Variants in ZDHHC14 observed in about 807,000 individuals in gnomAD.
ZDHHC14 encodes the protein zDHHC palmitoyltransferase 14.
In ZDHHC14, 16 loss-of-function variants were observed where a neutral mutation model predicts 47.7. The ratio of observed to expected loss-of-function variants is 0.34; its 90% CI spans 0.23 to 0.51. The LOEUF (loss-of-function observed/expected upper bound fraction) is 0.51, where lower values mean the gene tolerates loss of function less well. ZDHHC14 is among the 20% of genes least tolerant of loss of function. The pLI, the probability that ZDHHC14 is intolerant of heterozygous loss-of-function variation, is 0.97. For missense variants in ZDHHC14, 515 were observed against 662.5 expected (o/e 0.78, Z 2.44); for synonymous variants, 293 against 278.9 (o/e 1.05, Z -0.50).
At chr6:157,633,931 G>A (rs376647763) in intron 5 of ZDHHC14, among the ~76,000 whole-genome samples, 2 of 152,264 alleles carry the variant, frequency 1.3e-5, no homozygotes. Context: ...GGGATTACAG[G>A]CATCAGCCAC....
intron 1 of ZDHHC14, among the ~76,000 whole-genome samples, chr6:157,482,323 C>T (rs142530915): frequency 0.016 from 2,313 of 146,856 alleles, 32 homozygotes; most frequent in Non-Finnish European, 0.023. Flanking sequence ...TGCAGTGGCA[C>T]GATCTCGGCT....
chr6:157,485,259 A>G (rs779679316), intron 1 of ZDHHC14, among the ~76,000 whole-genome samples: 2 of 152,160 alleles, frequency 1.3e-5, no homozygotes, highest in Non-Finnish European at 2.9e-5. Flanking sequence ...GGTGCCCTGT[A>G]CTGCAGCAGG....
chr6:157,662,306 C>A (rs1015237511), intron 8 of ZDHHC14, among the ~76,000 whole-genome samples: 1 of 152,210 alleles, frequency 6.6e-6, no homozygotes, highest in Non-Finnish European at 1.5e-5. Flanking sequence ...CTCAGACCCC[C>A]ACATGGCTGG....
At chr6:157,398,085 G>GCC (rs772680612) in intron 1 of ZDHHC14, among the ~76,000 whole-genome samples, 6 of 71,358 alleles carry the variant, frequency 8.4e-5, no homozygotes, top group African/African-American at 2.6e-4. Flanking sequence ...CAGCTCCCCA[G>GCC]CCCCCCCCGG....
In ZDHHC14 at chr6:157,586,286, C is replaced by T. The variant is rs980112526; in HGVS notation, c.407-6702C>T. 2.0e-5 allele frequency among the ~76,000 whole-genome samples: 3 copies of T among 152,148 alleles called. No individual in the cohort carries two copies. Among genetic ancestry groups the T allele is most frequent in the African/African-American group, 7.2e-5 (3 of 41,426 alleles). On this transcript the variant is annotated intron_variant, in intron 2 of 8. Coordinates refer to ENST00000359775, the MANE Select transcript of ZDHHC14 (RefSeq NM_024630.3). This position sits in a 1 kb window ranked among gnomAD's most constrained non-coding sequence, Gnocchi z 4.6. ...AGAGCCCAAAGGAGGAAACAAGTAA[C>T]TCTGCTTGCAAAGTGTTTTCACAAG... is the stretch of plus-strand genomic sequence containing the variant.
At position 157,582,120 on chromosome 6, in the gene ZDHHC14, C is replaced by T. The variant is rs917129451; in HGVS notation, c.407-10868C>T. 3.0e-4 allele frequency among the ~76,000 whole-genome samples: 46 copies of T among 152,224 alleles called. No individual in the cohort carries two copies. The highest frequency in any genetic ancestry group is 1.0e-3 in the African/African-American group (43 of 41,456). On this transcript the variant is annotated intron_variant, in intron 2 of 8. Transcript: ENST00000359775. This position sits in a 1 kb window ranked among gnomAD's most constrained non-coding sequence, Gnocchi z 4.3. ...CCATGTTGGCCAGGCTGGTCTCAAA[C>T]TCCTGGCCTCAAGTGATCTGCCCAC...
rs917261398 is a variant in ZDHHC14, at chr6:157,424,408, A to G, written c.245+42142A>G. 3.3e-5 allele frequency among the ~76,000 whole-genome samples: 5 copies of G among 152,258 alleles called. No homozygotes were observed. In the South Asian group the frequency reaches 6.2e-4, roughly 19 times the overall value. The stretch of plus-strand genomic sequence containing the variant: ...TCTGACGAGGTCAAACTCAAACACA[A>G]TCACTGCCCTATTTTTTGGTGGTGC... On this transcript the variant is annotated intron_variant, in intron 1 of 8. Coordinates refer to ENST00000359775, the MANE Select transcript of ZDHHC14 (RefSeq NM_024630.3).
intron 1 of ZDHHC14, among the ~76,000 whole-genome samples, chr6:157,434,422 A>G (rs904053545): frequency 2.6e-5 from 4 of 152,096 alleles, no homozygotes; most frequent in African/African-American, 9.6e-5. Flanking sequence ...CTGAGCCCGA[A>G]CTGGACTGGA....
chr6:157,428,589 G>A (rs1778271563), intron 1 of ZDHHC14, among the ~76,000 whole-genome samples: 4 of 152,102 alleles, frequency 2.6e-5, no homozygotes, highest in Admixed American at 6.5e-5. Flanking sequence ...AAGGGCACCC[G>A]AGAGAGGCGC....
chr6:157,530,166 TAAAAAGAA>T (rs1036349803), intron 1 of ZDHHC14, among the ~76,000 whole-genome samples: 2 of 152,096 alleles, frequency 1.3e-5, no homozygotes, highest in Non-Finnish European at 2.9e-5. Context: ...ACAGGCTACC[TAAAAAGAA>T]AAAAAGAAAA....
At chr6:157,606,197 G>A (rs1383797195) in intron 3 of ZDHHC14, among the ~76,000 whole-genome samples, 1 of 152,168 alleles carries the variant, frequency 6.6e-6, no homozygotes, top group Non-Finnish European at 1.5e-5. Context: ...GGAAGCGGTG[G>A]CTCATGCCTG....
intron 5 of ZDHHC14, among the ~76,000 whole-genome samples, chr6:157,637,152 A>G (rs1777027203): frequency 6.6e-6 from 1 of 152,212 alleles, no homozygotes; most frequent in Admixed American, 6.5e-5. Context: ...TCCCATCAGC[A>G]CATCTGTTGG....
At chr6:157,541,490 C>T (rs1781762530) in intron 1 of ZDHHC14, among the ~76,000 whole-genome samples, 1 of 152,178 alleles carries the variant, frequency 6.6e-6, no homozygotes, top group African/African-American at 2.4e-5. Context: ...CCAATCCTTT[C>T]TTCTCCAGCT....
intron 1 of ZDHHC14, among the ~76,000 whole-genome samples, chr6:157,498,337 A>G (rs1448158551): frequency 6.6e-6 from 1 of 152,116 alleles, no homozygotes; most frequent in African/African-American, 2.4e-5. Flanking sequence ...GGTAGAGCGC[A>G]GCCCTTACAG....
chr6:157,614,300 C>T (rs1784871909), intron 3 of ZDHHC14, among the ~76,000 whole-genome samples: 3 of 151,764 alleles, frequency 2.0e-5, no homozygotes, highest in African/African-American at 7.3e-5. Context: ...TTACAGTCAA[C>T]TTTACCACAT....
chr6:157,452,690 A>ATTTTTTTTTT (rs747862336), intron 1 of ZDHHC14, among the ~76,000 whole-genome samples: 8 of 72,960 alleles, frequency 1.1e-4, no homozygotes, highest in Admixed American at 3.8e-4. Flanking sequence ...ATACATGGGG[A>ATTTTTTTTTT]TTTTTTTTTT....
chr6:157,598,308 C>T (rs1784210826), intron 3 of ZDHHC14, among the ~76,000 whole-genome samples: 1 of 152,112 alleles, frequency 6.6e-6, no homozygotes, highest in African/African-American at 2.4e-5. Flanking sequence ...CATAGGAAAG[C>T]AGGTCATTGG....
chr6:157,535,428 A>G (rs1781513394), intron 1 of ZDHHC14, among the ~76,000 whole-genome samples: 1 of 152,232 alleles, frequency 6.6e-6, no homozygotes, highest in African/African-American at 2.4e-5. Context: ...AAAGGTAGAC[A>G]GAGAGACGCG....
At chr6:157,518,760 C>G (rs1247517997) in intron 1 of ZDHHC14, among the ~76,000 whole-genome samples, 1 of 152,024 alleles carries the variant, frequency 6.6e-6, no homozygotes, top group African/African-American at 2.4e-5. Context: ...TGGATTTAAG[C>G]CAGAGAGCGC....
Sources: allele counts gnomAD v4.1 joint callset (sites outside exome capture counted in the v4.1 genomes callset), GRCh38; gene constraint gnomAD v4.1.1; non-coding constraint Gnocchi (gnomAD v3.1); transcripts MANE v1.5; gene names NCBI Gene and HGNC (gene_info 2026-07-23, HGNC 2026-07-21).